The following S100A8 variants were observed in gnomAD, a reference collection of about 807,000 sequenced individuals.
S100A8 encodes the protein protein S100-A8.
S100A8 carries 1 observed loss-of-function variant against 4.2 expected under a neutral mutation model. That is an observed-to-expected ratio of 0.24 (90% confidence interval 0.08 to 1.12). The LOEUF is 1.12. Ranked by LOEUF, S100A8 falls within the 50% of genes most tolerant of loss-of-function variation. S100A8 has a pLI of 0.53. For missense variants in S100A8, 96 were observed against 111.8 expected (o/e 0.86, Z 0.64); for synonymous variants, 41 against 44.7 (o/e 0.92, Z 0.33).
At chr1:153,412,946 G>A in the S100A8 span, among the ~76,000 whole-genome samples, 1 of 152,102 alleles carries the variant, frequency 6.6e-6, no homozygotes, top group Non-Finnish European at 1.5e-5. Context: ...AGAACACCTG[G>A]ACACAAGAAG....
At chr1:153,414,735 A>G in the S100A8 span, among the ~76,000 whole-genome samples, 1 of 152,252 alleles carries the variant, frequency 6.6e-6, no homozygotes, top group East Asian at 1.9e-4. Flanking sequence ...TACTCTTACC[A>G]TAGGATCCAG....
the S100A8 span, among the ~76,000 whole-genome samples, chr1:153,418,399 A>G: frequency 6.6e-6 from 1 of 152,232 alleles, no homozygotes; most frequent in Non-Finnish European, 1.5e-5. Flanking sequence ...GCGAAAAAGT[A>G]TGAAAATGGG....
the S100A8 span, among the ~76,000 whole-genome samples, chr1:153,408,895 A>G: frequency 6.6e-6 from 1 of 152,240 alleles, no homozygotes; most frequent in Non-Finnish European, 1.5e-5. Flanking sequence ...TAAGTGGAGG[A>G]GAAATAAAAT....
the S100A8 span, among the ~76,000 whole-genome samples, chr1:153,415,347 C>G: frequency 6.6e-6 from 1 of 152,108 alleles, no homozygotes; most frequent in Admixed American, 6.5e-5. Flanking sequence ...CCTAGGGAGA[C>G]ATCACATCAG....
At chr1:153,422,204 G>C in the S100A8 span, 1 of 152,344 alleles carries the variant, frequency 6.6e-6, no homozygotes, top group African/African-American at 2.4e-5. Flanking sequence ...AGAGGAGAGG[G>C]GACCAGACCA....
chr1:153,391,051 G>A lies in S100A8; in HGVS notation c.-33C>T. The A allele has an allele frequency of 1.0e-6, 1 of 986,556 alleles. No individual in the cohort carries two copies. The highest frequency in any genetic ancestry group is 1.2e-6 in the Non-Finnish European group (1 of 830,498). 61.1% of individuals were successfully genotyped at this position (986,556 alleles called of 1,614,324 possible). A position where few individuals can be genotyped will look rare whatever the true frequency, so the allele number is the denominator to read the frequency against. On this transcript the variant is annotated 5_prime_UTR_variant, in exon 1 of 3. Transcript: ENST00000368733. ...GACAGTCCCACTTACCAGGTCTTCT[G>A]AAAGACAGCTGACAAGAGACATGCA...
At chr1:153,392,867 C>G (rs1662134286), upstream of S100A8, among the ~76,000 whole-genome samples, 2 of 152,130 alleles carry the variant, frequency 1.3e-5, no homozygotes, top group Non-Finnish European at 2.9e-5. Context: ...AGCACAGTGC[C>G]CAGCACACAC....
chr1:153,402,356 C>A, the S100A8 span, among the ~76,000 whole-genome samples: 1,817 of 152,334 alleles, frequency 0.012, 31 homozygotes, highest in African/African-American at 0.041. Context: ...CCCCACATAC[C>A]TGTTCTCAAC....
chr1:153,418,391 G>A, the S100A8 span, among the ~76,000 whole-genome samples: 19 of 152,162 alleles, frequency 1.2e-4, no homozygotes, highest in Admixed American at 3.9e-4. Flanking sequence ...GATGGTAGGC[G>A]AAAAAGTATG....
the S100A8 span, among the ~76,000 whole-genome samples, chr1:153,411,236 G>A: frequency 2.0e-4 from 30 of 152,228 alleles, no homozygotes; most frequent in Admixed American, 8.5e-4. Flanking sequence ...AAATCCCATC[G>A]CCTCAGCCCA....
At chr1:153,395,120 G>A (rs79693902), upstream of S100A8, among the ~76,000 whole-genome samples, 455 of 152,238 alleles carry the variant, frequency 3.0e-3, 9 homozygotes, top group East Asian at 0.028. Flanking sequence ...GGATACCGGA[G>A]GACTCAGATC....
the S100A8 span, among the ~76,000 whole-genome samples, chr1:153,405,299 A>C: frequency 1.3e-5 from 2 of 150,064 alleles, no homozygotes; most frequent in Non-Finnish European, 3.0e-5. Context: ...CAGAATTGAC[A>C]GTAAATCCTC....
At chr1:153,408,012 G>T in the S100A8 span, among the ~76,000 whole-genome samples, 3 of 152,136 alleles carry the variant, frequency 2.0e-5, no homozygotes, top group Non-Finnish European at 4.4e-5. Flanking sequence ...CCACAAAGAT[G>T]GGGAGAAGCC....
the S100A8 span, among the ~76,000 whole-genome samples, chr1:153,414,779 TGAAA>T: frequency 6.6e-6 from 1 of 152,196 alleles, no homozygotes; most frequent in Admixed American, 6.5e-5. Flanking sequence ...CCAAAAGAAC[TGAAA>T]GCTTATGTCC....
the S100A8 span, among the ~76,000 whole-genome samples, chr1:153,406,866 A>C: frequency 6.6e-6 from 1 of 152,254 alleles, no homozygotes; most frequent in East Asian, 1.9e-4. Flanking sequence ...AAAGGCTCAC[A>C]GGGTTCAACC....
chr1:153,417,167 C>T, the S100A8 span: 6 of 152,346 alleles, frequency 3.9e-5, no homozygotes, highest in Non-Finnish European at 8.8e-5. Context: ...AGCCAAGGTC[C>T]TTTTCTGGTT....
upstream of S100A8, among the ~76,000 whole-genome samples, chr1:153,393,682 C>A (rs1343830691): frequency 2.0e-5 from 3 of 152,296 alleles, no homozygotes; most frequent in Non-Finnish European, 4.4e-5. Context: ...TGGTTAATAC[C>A]TATTATTCAC....
the S100A8 span, among the ~76,000 whole-genome samples, chr1:153,407,916 A>G: frequency 1.3e-5 from 2 of 152,246 alleles, no homozygotes; most frequent in African/African-American, 4.8e-5. Flanking sequence ...CCTGACTGTT[A>G]GAAGGAAAAC....
upstream of S100A8, among the ~76,000 whole-genome samples, chr1:153,394,159 G>A (rs536079058): frequency 1.1e-4 from 17 of 152,328 alleles, no homozygotes; most frequent in South Asian, 1.0e-3. Context: ...ACAGGAAAGG[G>A]CTCAGTCCCT....
Sources: gnomAD v4.1 joint callset for allele counts (sites outside exome capture counted in the v4.1 genomes callset) on GRCh38, gnomAD v4.1.1 for gene constraint, MANE v1.5 for transcripts, NCBI Gene and HGNC (gene_info 2026-07-23, HGNC 2026-07-21) for gene names.